The following CHST9 variants were observed in gnomAD, a reference collection of about 807,000 sequenced individuals.
CHST9 encodes the protein GalNAc-4-sulfotransferase 2.
Under a neutral mutation model 44.4 loss-of-function variants are expected in CHST9, and 41 were observed. The observed-to-expected ratio is 0.92, with a 90% confidence interval of 0.72 to 1.20. The LOEUF (loss-of-function observed/expected upper bound fraction) is 1.20. CHST9 is among the 50% of genes most tolerant of loss of function. CHST9 has a pLI of 0.00. For missense variants in CHST9, 504 were observed against 516.5 expected (o/e 0.98, Z 0.23); for synonymous variants, 171 against 178.4 (o/e 0.96, Z 0.33).
At chr18:26,978,748 C>G (rs2056655993) in intron 4 of CHST9, among the ~76,000 whole-genome samples, 1 of 152,174 alleles carries the variant, frequency 6.6e-6, no homozygotes, top group Non-Finnish European at 1.5e-5. Context: ...TCCTACCTCA[C>G]AGGGCTGTGG....
At chr18:27,135,451 T>C (rs2058505767) in intron 2 of CHST9, among the ~76,000 whole-genome samples, 1 of 152,198 alleles carries the variant, frequency 6.6e-6, no homozygotes, top group Non-Finnish European at 1.5e-5. Flanking sequence ...CATAATGTTA[T>C]TTACAGTCTT....
At chr18:27,044,403 G>A (rs1160498920) in intron 3 of CHST9, among the ~76,000 whole-genome samples, 3 of 151,928 alleles carry the variant, frequency 2.0e-5, no homozygotes, top group African/African-American at 7.2e-5. Flanking sequence ...CTGAAGTGCT[G>A]TCAAGAAAAT....
At chr18:26,944,945 T>C (rs2056140363) in intron 4 of CHST9, among the ~76,000 whole-genome samples, 1 of 152,200 alleles carries the variant, frequency 6.6e-6, no homozygotes, top group Admixed American at 6.5e-5. Flanking sequence ...GAGTAATGTA[T>C]GACAGGCAAC....
intron 2 of CHST9, among the ~76,000 whole-genome samples, chr18:27,099,754 G>T (rs2058152744): frequency 1.3e-5 from 2 of 152,074 alleles, no homozygotes; most frequent in Admixed American, 1.3e-4. Context: ...AGAGAAAAGG[G>T]AATGCTTATA....
intron 1 of CHST9, among the ~76,000 whole-genome samples, chr18:27,175,629 AT>A (rs1190795579): frequency 1.3e-5 from 2 of 152,036 alleles, no homozygotes; most frequent in African/African-American, 4.8e-5. Context: ...TTATTTGTGT[AT>A]TTTTTATTAG....
intron 2 of CHST9, among the ~76,000 whole-genome samples, chr18:27,063,650 T>C (rs1364293822): frequency 6.6e-6 from 1 of 152,206 alleles, no homozygotes; most frequent in Non-Finnish European, 1.5e-5. Context: ...TTTTCCTTTG[T>C]TGTGCAAAAT....
chr18:27,101,535 G>A (rs2058172566), intron 2 of CHST9, among the ~76,000 whole-genome samples: 1 of 152,018 alleles, frequency 6.6e-6, no homozygotes, highest in Admixed American at 6.5e-5. Context: ...GAGTGAACCC[G>A]GGAGGCGGAG....
chr18:27,124,691 T>C (rs1194339131), intron 2 of CHST9, among the ~76,000 whole-genome samples: 2 of 152,238 alleles, frequency 1.3e-5, no homozygotes, highest in African/African-American at 4.8e-5. Flanking sequence ...CTTTAGTTTA[T>C]TGGACACACC....
rs183579314 is a variant in CHST9 at position 26,914,688 on chromosome 18, C to T, written c.*1571G>A. ...GGACACGGCAGGTGTGTGTAAGGAGCGAAGCAATTCATGAATACTCAGCCA... is the reference window on the plus strand; with the variant it reads ...GGACACGGCAGGTGTGTGTAAGGAGTGAAGCAATTCATGAATACTCAGCCA... On this transcript the variant is annotated 3_prime_UTR_variant, in exon 6 of 6. Transcript: ENST00000618847. 36 of 363,622 alleles carry T rather than the reference C, an allele frequency of 9.9e-5. No homozygotes were observed. Among genetic ancestry groups the T allele is most frequent in the Middle Eastern group, 7.2e-4 (1 of 1,388 alleles). The allele number at this position is 363,622 out of a possible 1,614,324, so 22.5% of individuals were successfully genotyped here. A position where few individuals can be genotyped will look rare whatever the true frequency, so the allele number is the denominator to read the frequency against.
chr18:26,964,338 G>T (rs1154215), intron 4 of CHST9, among the ~76,000 whole-genome samples: 52,366 of 151,984 alleles, frequency 0.34, 9,673 homozygotes, highest in East Asian at 0.47. Flanking sequence ...ATTCTCAACC[G>T]CCCACCTGTT....
intron 1 of CHST9, among the ~76,000 whole-genome samples, chr18:27,160,570 T>C (rs1241702906): frequency 6.6e-6 from 1 of 152,168 alleles, no homozygotes; most frequent in Admixed American, 6.5e-5. Context: ...TCCAAAATTC[T>C]CTTTTTTTGT....
At chr18:27,096,892 A>C (rs2058122313) in intron 2 of CHST9, among the ~76,000 whole-genome samples, 1 of 151,944 alleles carries the variant, frequency 6.6e-6, no homozygotes, top group Non-Finnish European at 1.5e-5. Flanking sequence ...TATTCCAAAA[A>C]AATCAAGGAG....
intron 4 of CHST9, among the ~76,000 whole-genome samples, chr18:26,955,250 C>G (rs1013743065): frequency 2.7e-5 from 4 of 146,382 alleles, no homozygotes; most frequent in Non-Finnish European, 5.9e-5. Flanking sequence ...GTATTTTACA[C>G]ATCTATACCA....
chr18:27,117,158 T>C (rs1034542382), intron 2 of CHST9, among the ~76,000 whole-genome samples: 3 of 152,170 alleles, frequency 2.0e-5, no homozygotes, highest in African/African-American at 7.2e-5. Flanking sequence ...GTATGTTATA[T>C]TTAAATTACT....
rs191648953 is a variant in CHST9 at position 27,036,943 on chromosome 18, T to C, written c.160+11522A>G. On this transcript the variant is annotated intron_variant, in intron 3 of 5. Transcript: ENST00000618847. ...GTGGGGAGTTGCTAAACAGCTGCTATATTTTTGTTGGTTGAAAAAGCTCTG... is the reference window on the plus strand; with the variant it reads ...GTGGGGAGTTGCTAAACAGCTGCTACATTTTTGTTGGTTGAAAAAGCTCTG... Among the ~76,000 whole-genome samples the C allele has an allele frequency of 2.7e-3, 409 of 152,292 alleles. 1 individual carries two copies. The highest frequency in any genetic ancestry group is 4.7e-3 in the Non-Finnish European group (321 of 68,020).
At chr18:27,017,186 C>T (rs779724573) in intron 4 of CHST9, among the ~76,000 whole-genome samples, 2 of 152,090 alleles carry the variant, frequency 1.3e-5, no homozygotes, top group Non-Finnish European at 2.9e-5. Context: ...CGGTTAATCA[C>T]AAATTATTGG....
rs953387054 is a variant in CHST9 at position 26,914,679 on chromosome 18, T to C, written c.*1580A>G. On this transcript the variant is annotated 3_prime_UTR_variant, in exon 6 of 6. Coordinates refer to ENST00000618847, the MANE Select transcript of CHST9 (RefSeq NM_031422.6). ...ACACAGATGGGACACGGCAGGTGTG[T>C]GTAAGGAGCGAAGCAATTCATGAAT... 8 of 355,376 alleles carry C rather than the reference T, an allele frequency of 2.3e-5. No homozygotes were observed. Among genetic ancestry groups the C allele is most frequent in the Non-Finnish European group, 4.0e-5 (8 of 199,264 alleles). The allele number at this position is 355,376 out of a possible 1,614,324, so 22.0% of individuals were successfully genotyped here. A position where few individuals can be genotyped will look rare whatever the true frequency, so the allele number is the denominator to read the frequency against.
intron 5 of CHST9, 25 bp downstream of exon 5, chr18:26,944,304 G>A: frequency 7.0e-6 from 11 of 1,573,906 alleles, no homozygotes; most frequent in Non-Finnish European, 8.7e-6. Flanking sequence ...TTCTATATTA[G>A]AGTTTACGAG....
At chr18:27,069,116 T>A (rs901181977) in intron 2 of CHST9, among the ~76,000 whole-genome samples, 4 of 152,232 alleles carry the variant, frequency 2.6e-5, no homozygotes, top group African/African-American at 9.6e-5. Flanking sequence ...AAGCTCTTAC[T>A]ATCAGGAGCA....
Sources: gnomAD v4.1 joint callset for allele counts (sites outside exome capture counted in the v4.1 genomes callset) on GRCh38, gnomAD v4.1.1 for gene constraint, MANE v1.5 for transcripts, NCBI Gene and HGNC (gene_info 2026-07-23, HGNC 2026-07-21) for gene names.